The following ARB2A variants were observed in gnomAD, a reference collection of about 807,000 sequenced individuals.
ARB2A encodes the protein cotranscriptional regulator ARB2A.
the ARB2A span, among the ~76,000 whole-genome samples, chr5:93,694,066 A>C: frequency 2.0e-5 from 3 of 152,220 alleles, no homozygotes; most frequent in Admixed American, 1.3e-4. Context: ...GCTATTTATG[A>C]CAAACAGCCA....
chr5:93,883,821 A>G, the ARB2A span, among the ~76,000 whole-genome samples: 1 of 151,114 alleles, frequency 6.6e-6, no homozygotes, highest in East Asian at 1.9e-4. Flanking sequence ...TTGCCTCCCT[A>G]CTAGATTCTG....
chr5:93,647,250 G>A, the ARB2A span, among the ~76,000 whole-genome samples: 2 of 152,016 alleles, frequency 1.3e-5, no homozygotes, highest in Admixed American at 1.3e-4. Flanking sequence ...CCCCGAGACG[G>A]AGTCTTACTC....
the ARB2A span, among the ~76,000 whole-genome samples, chr5:93,792,733 G>C: frequency 6.6e-6 from 1 of 150,392 alleles, no homozygotes; most frequent in East Asian, 2.0e-4. Context: ...ATAGCATTAG[G>C]AGATATACCT....
chr5:93,920,591 C>A, the ARB2A span, among the ~76,000 whole-genome samples: 1 of 152,006 alleles, frequency 6.6e-6, no homozygotes, highest in African/African-American at 2.4e-5. Flanking sequence ...ATGTAGATAC[C>A]AGTCTATTTG....
chr5:93,931,739 T>TAA, the ARB2A span, among the ~76,000 whole-genome samples: 2 of 147,364 alleles, frequency 1.4e-5, no homozygotes, highest in African/African-American at 5.0e-5. Context: ...GCAGTCAGAT[T>TAA]AAAAAAAAAA....
the ARB2A span, among the ~76,000 whole-genome samples, chr5:94,084,274 CAAAAAAAAAAAA>C: frequency 1.4e-4 from 10 of 73,102 alleles, no homozygotes; most frequent in African/African-American, 4.7e-4. Flanking sequence ...AACTTCATCT[CAAAAAAAAAAAA>C]AAAAAAAGAA....
the ARB2A span, among the ~76,000 whole-genome samples, chr5:93,716,742 G>T: frequency 2.2e-5 from 3 of 135,948 alleles, no homozygotes; most frequent in Non-Finnish European, 4.8e-5. Flanking sequence ...TTTAACAAAA[G>T]GACAGGAAAC....
chr5:94,078,162 C>T, the ARB2A span, among the ~76,000 whole-genome samples: 22 of 152,140 alleles, frequency 1.4e-4, no homozygotes, highest in Non-Finnish European at 2.4e-4. Flanking sequence ...GATTTTGCAA[C>T]AGAAGCCCTT....
At chr5:93,971,187 AC>A in the ARB2A span, among the ~76,000 whole-genome samples, 231 of 152,082 alleles carry the variant, frequency 1.5e-3, 2 homozygotes, top group Middle Eastern at 6.8e-3. Context: ...TTTAGTAGAG[AC>A]GGGATTTCAC....
the ARB2A span, among the ~76,000 whole-genome samples, chr5:94,022,896 T>C: frequency 6.6e-6 from 1 of 152,204 alleles, no homozygotes; most frequent in South Asian, 2.1e-4. Flanking sequence ...TCATGCCCCA[T>C]GAGTTAGGAT....
the ARB2A span, among the ~76,000 whole-genome samples, chr5:93,879,622 A>C: frequency 6.6e-6 from 1 of 151,858 alleles, no homozygotes; most frequent in Non-Finnish European, 1.5e-5. Context: ...AGGAAAAACA[A>C]AGCAGATGTG....
At chr5:94,059,285 A>G in the ARB2A span, among the ~76,000 whole-genome samples, 1 of 152,136 alleles carries the variant, frequency 6.6e-6, no homozygotes, top group African/African-American at 2.4e-5. Flanking sequence ...AGAAAATGAT[A>G]CAAAGGTATA....
the ARB2A span, among the ~76,000 whole-genome samples, chr5:93,867,556 T>C: frequency 6.6e-6 from 1 of 152,270 alleles, no homozygotes; most frequent in South Asian, 2.1e-4. Context: ...TAGCTGGGAC[T>C]ACAGGCGTGT....
chr5:93,640,759 C>T, the ARB2A span, among the ~76,000 whole-genome samples: 2 of 151,764 alleles, frequency 1.3e-5, no homozygotes, highest in African/African-American at 4.8e-5. Flanking sequence ...ATTAAATTTA[C>T]TTCTGGGTCT....
the ARB2A span, chr5:93,862,322 G>A: frequency 3.9e-5 from 6 of 152,128 alleles, no homozygotes; most frequent in Non-Finnish European, 7.3e-5. Context: ...GTCTTAACCA[G>A]GTTTACCTGG....
chr5:94,073,660 T>C, the ARB2A span, among the ~76,000 whole-genome samples: 1 of 152,108 alleles, frequency 6.6e-6, no homozygotes, highest in Non-Finnish European at 1.5e-5. Flanking sequence ...GCATGTCTAT[T>C]TAGACAGAAA....
chr5:93,628,631 A>G, the ARB2A span, among the ~76,000 whole-genome samples: 9 of 152,238 alleles, frequency 5.9e-5, no homozygotes, highest in African/African-American at 2.2e-4. Flanking sequence ...TATATCTTAT[A>G]CAGCAGTACT....
At chr5:94,070,269 G>C in the ARB2A span, among the ~76,000 whole-genome samples, 1 of 152,080 alleles carries the variant, frequency 6.6e-6, no homozygotes, top group Non-Finnish European at 1.5e-5. Context: ...ACATGTGAGA[G>C]ATAAAAAAGT....
chr5:93,962,378 G>T, the ARB2A span, among the ~76,000 whole-genome samples: 2 of 152,242 alleles, frequency 1.3e-5, no homozygotes, highest in East Asian at 3.9e-4. Flanking sequence ...TACTATAATT[G>T]AGAATACTTT....
Sources: allele counts gnomAD v4.1 joint callset (sites outside exome capture counted in the v4.1 genomes callset), GRCh38; gene constraint gnomAD v4.1.1; transcripts MANE v1.5; gene names NCBI Gene and HGNC (gene_info 2026-07-23, HGNC 2026-07-21).